The following LIMA1 variants were observed in gnomAD, a reference collection of about 807,000 sequenced individuals.
LIMA1 encodes LIM domain and actin-binding protein 1.
LIMA1 carries 52 observed loss-of-function variants against 62.6 expected under a neutral mutation model. The observed-to-expected ratio is 0.83, with a 90% CI of 0.67 to 1.05. The LOEUF is 1.05. Ranked by LOEUF, LIMA1 falls within the 50% of genes least tolerant of loss-of-function variation. LIMA1 has a pLI of 0.00. For missense variants in LIMA1, 780 were observed against 902.2 expected (o/e 0.86, Z 1.74); for synonymous variants, 302 against 317.8 (o/e 0.95, Z 0.53).
chr12:50,264,910 C>T (rs1009157681), intron 1 of LIMA1, among the ~76,000 whole-genome samples: 21 of 152,032 alleles, frequency 1.4e-4, no homozygotes, highest in African/African-American at 4.6e-4. Context: ...CCTAACACTT[C>T]GGGAGGCTGA....
chr12:50,211,970 T>C (rs1355125008), intron 4 of LIMA1, among the ~76,000 whole-genome samples: 1 of 128,402 alleles, frequency 7.8e-6, no homozygotes, highest in Non-Finnish European at 1.7e-5. Context: ...AGGCCTGGCC[T>C]CACCCACCCT....
intron 8 of LIMA1, among the ~76,000 whole-genome samples, chr12:50,193,559 T>TATGTATATATGATATATATAC (rs1940840172): frequency 1.6e-5 from 2 of 128,496 alleles, no homozygotes; most frequent in Non-Finnish European, 3.2e-5. Flanking sequence ...ATATATCATA[T>TATGTATATATGATATATATAC]ATGTATATAT....
At position 50,177,828 on chromosome 12, in the gene LIMA1, C is replaced by T. The variant is rs751281236; in HGVS notation, c.1516G>A (p.Ala506Thr). Reference protein sequence around the residue: ...APIAKVGVLAASMEAKASSQQ... With the variant: ...APIAKVGVLATSMEAKASSQQ... ...GAGGAGGCCTTGGCTTCCATACTTG[C>T]AGCCAGGACACCCACCTTAGCAATA... Residue 506 changes from alanine (A) to threonine (T), a missense_variant, in exon 11 of 11, where the codon GCA (alanine) becomes ACA (threonine). Coordinates refer to ENST00000341247, the MANE Select transcript of LIMA1 (RefSeq NM_016357.5). 1 of 1,613,332 alleles carries T rather than the reference C, an allele frequency of 6.2e-7. No homozygotes were observed. Among genetic ancestry groups the T allele is most frequent in the Non-Finnish European group, 8.5e-7 (1 of 1,179,614 alleles).
intron 2 of LIMA1, among the ~76,000 whole-genome samples, chr12:50,247,607 T>A (rs1403604394): frequency 6.9e-6 from 1 of 144,266 alleles, no homozygotes; most frequent in African/African-American, 2.6e-5. Flanking sequence ...ATGCTGGAAT[T>A]ATTATTATTA....
chr12:50,268,382 T>C (rs1169247257), intron 1 of LIMA1, among the ~76,000 whole-genome samples: 1 of 152,118 alleles, frequency 6.6e-6, no homozygotes, highest in African/African-American at 2.4e-5. Flanking sequence ...AATCTGAACC[T>C]CTCATATGGA....
At chr12:50,194,740 A>G (rs1266993542) in intron 8 of LIMA1, among the ~76,000 whole-genome samples, 1 of 151,954 alleles carries the variant, frequency 6.6e-6, no homozygotes, top group East Asian at 1.9e-4. Flanking sequence ...TTTCTCTACA[A>G]AAATATTAAA....
chr12:50,244,571 A>G (rs1941822195), intron 2 of LIMA1, among the ~76,000 whole-genome samples: 6 of 152,136 alleles, frequency 3.9e-5, no homozygotes, highest in Admixed American at 3.9e-4. Context: ...AGGGTCTAGC[A>G]TGGTGCCTGG....
chr12:50,261,448 G>A (rs1942072354), intron 1 of LIMA1, among the ~76,000 whole-genome samples: 1 of 152,016 alleles, frequency 6.6e-6, no homozygotes, highest in Middle Eastern at 3.2e-3. Context: ...CTTTAGGTAT[G>A]CTCAAGTTAT....
chr12:50,229,316 C>T lies in LIMA1; in HGVS notation c.165+2349G>A, dbSNP rs145896678. Among the ~76,000 whole-genome samples, 951 of 152,288 alleles carry T rather than the reference C, an allele frequency of 6.2e-3. 8 individuals are homozygous for T. The highest frequency in any genetic ancestry group is 0.024 in the Middle Eastern group (7 of 294). ...CCACCTCGGCCTCCTGCGATCCTCC[C>T]GCCTTGGCCTCCTAAAGTGCTGGGA... is the stretch of plus-strand genomic sequence containing the variant. On this transcript the variant is annotated intron_variant, in intron 3 of 10. Transcript: ENST00000341247.
chr12:50,227,240 T>C (rs954834642), intron 3 of LIMA1, among the ~76,000 whole-genome samples: 3 of 81,904 alleles, frequency 3.7e-5, no homozygotes, highest in African/African-American at 9.0e-5. Flanking sequence ...TTCTTTTCTT[T>C]TTTTTTTTTT....
In LIMA1 at chr12:50,195,849, G is replaced by C; in HGVS notation, c.1011C>G (p.Thr337=). ...GCTTACGGGAGTCATCTTCGGCAGGGGTGGAACGGACTGCCAGGCTATTCT... is the reference window on the plus strand; with the variant it reads ...GCTTACGGGAGTCATCTTCGGCAGGCGTGGAACGGACTGCCAGGCTATTCT... ...ANENSLAVRS[T]PAEDDSRDSQ... The change falls in exon 8 of 11, where the codon ACC becomes ACG. Residue 337 remains threonine (T), a synonymous_variant. Transcript: ENST00000341247. 3.1e-6 allele frequency: 5 copies of C among 1,597,144 alleles called. No homozygotes were observed. Among genetic ancestry groups the C allele is most frequent in the Non-Finnish European group, 4.3e-6 (5 of 1,175,272 alleles).
chr12:50,234,545 G>C (rs950853181), intron 2 of LIMA1, among the ~76,000 whole-genome samples: 1 of 151,940 alleles, frequency 6.6e-6, no homozygotes, highest in African/African-American at 2.4e-5. Context: ...CCAGACCTCT[G>C]AGTCATGCAT....
At chr12:50,217,825 A>G in intron 4 of LIMA1, 1 of 270,722 alleles carries the variant, frequency 3.7e-6, no homozygotes, top group Non-Finnish European at 7.4e-6. Context: ...GTACACAGGC[A>G]TCTAGGACGC....
At chr12:50,255,217 G>A (rs1169212877) in intron 1 of LIMA1, among the ~76,000 whole-genome samples, 3 of 151,560 alleles carry the variant, frequency 2.0e-5, no homozygotes, top group Admixed American at 6.6e-5. Context: ...CCTGAACATA[G>A]CCTCAAAAAA....
chr12:50,231,565 C>G, intron 3 of LIMA1, 100 bp downstream of exon 3: 1 of 1,061,318 alleles, frequency 9.4e-7, no homozygotes, highest in Non-Finnish European at 1.5e-6. Context: ...AATGTCCACT[C>G]AGCTGACATA....
chr12:50,264,316 T>C (rs1452546489), intron 1 of LIMA1, among the ~76,000 whole-genome samples: 1 of 152,222 alleles, frequency 6.6e-6, no homozygotes, highest in South Asian at 2.1e-4. Flanking sequence ...TGTGTGACCA[T>C]ATTAAAACCG....
intron 1 of LIMA1, among the ~76,000 whole-genome samples, chr12:50,255,049 A>C (rs1216460878): frequency 3.3e-5 from 5 of 149,534 alleles, no homozygotes; most frequent in Non-Finnish European, 1.5e-5. Flanking sequence ...AAACAAAACA[A>C]AAAAAAACCA....
intron 4 of LIMA1, among the ~76,000 whole-genome samples, chr12:50,211,482 TAAA>T (rs35404088): frequency 5.8e-5 from 8 of 136,798 alleles, no homozygotes; most frequent in Admixed American, 1.5e-4. Flanking sequence ...GTCTCTGCTT[TAAA>T]AAAAAAAAAA....
At chr12:50,281,812 A>G (rs1327117907) in intron 1 of LIMA1, among the ~76,000 whole-genome samples, 1 of 152,212 alleles carries the variant, frequency 6.6e-6, no homozygotes. Context: ...CAGAAGAGAG[A>G]ATTAAAAAAC....
Sources: allele counts gnomAD v4.1 joint callset (sites outside exome capture counted in the v4.1 genomes callset), GRCh38; gene constraint gnomAD v4.1.1; transcripts MANE v1.5; gene names NCBI Gene and HGNC (gene_info 2026-07-23, HGNC 2026-07-21).